The following LOC128125817 variants were observed in gnomAD, a reference collection of about 807,000 sequenced individuals.
the LOC128125817 span, among the ~76,000 whole-genome samples, chr1:41,620,354 A>G: frequency 6.6e-6 from 1 of 152,334 alleles, no homozygotes; most frequent in East Asian, 1.9e-4. Flanking sequence ...CTTTTAGGAT[A>G]GCTGGCTTTA....
chr1:41,615,439 C>T, the LOC128125817 span, among the ~76,000 whole-genome samples: 3 of 152,204 alleles, frequency 2.0e-5, no homozygotes, highest in Middle Eastern at 3.2e-3. Context: ...AGCTAGAGGG[C>T]ACTTAAGTGG....
At chr1:41,618,539 C>T in the LOC128125817 span, among the ~76,000 whole-genome samples, 18 of 152,190 alleles carry the variant, frequency 1.2e-4, no homozygotes, top group African/African-American at 4.1e-4. Context: ...TCCTCGGGCA[C>T]CACTCATAGG....
chr1:41,595,918 T>C, the LOC128125817 span, among the ~76,000 whole-genome samples: 4 of 152,172 alleles, frequency 2.6e-5, no homozygotes, highest in South Asian at 2.1e-4. Flanking sequence ...CACCTTGTGA[T>C]TGTGTGAGTC....
the LOC128125817 span, among the ~76,000 whole-genome samples, chr1:41,598,774 G>A: frequency 6.6e-6 from 1 of 151,060 alleles, no homozygotes; most frequent in South Asian, 2.1e-4. Flanking sequence ...GTAGGGTAAG[G>A]AAACATACTC....
chr1:41,613,116 T>C, the LOC128125817 span, among the ~76,000 whole-genome samples: 4 of 152,224 alleles, frequency 2.6e-5, no homozygotes, highest in Non-Finnish European at 4.4e-5. Context: ...CGCTAGGGGC[T>C]CACTGCCTGC....
the LOC128125817 span, among the ~76,000 whole-genome samples, chr1:41,594,475 G>A: frequency 3.3e-5 from 5 of 152,300 alleles, no homozygotes; most frequent in Admixed American, 2.6e-4. Context: ...CCCTGCCTCA[G>A]CCTCCCGAAG....
At chr1:41,623,312 C>T in the LOC128125817 span, among the ~76,000 whole-genome samples, 2 of 152,304 alleles carry the variant, frequency 1.3e-5, no homozygotes, top group Admixed American at 6.5e-5. Flanking sequence ...ACAAGGCTGC[C>T]CCTCTCCAAG....
At chr1:41,606,333 T>A in the LOC128125817 span, among the ~76,000 whole-genome samples, 2 of 152,012 alleles carry the variant, frequency 1.3e-5, no homozygotes, top group African/African-American at 4.9e-5. Flanking sequence ...CCACATTCTC[T>A]ACTTTCCACT....
chr1:41,618,086 G>C, the LOC128125817 span, among the ~76,000 whole-genome samples: 1 of 152,194 alleles, frequency 6.6e-6, no homozygotes, highest in Non-Finnish European at 1.5e-5. Context: ...AAGCAGCCAA[G>C]AGAGGAAACT....
At chr1:41,614,374 AG>A in the LOC128125817 span, among the ~76,000 whole-genome samples, 1 of 152,210 alleles carries the variant, frequency 6.6e-6, no homozygotes, top group Non-Finnish European at 1.5e-5. Flanking sequence ...GCAAGTCCCA[AG>A]GGCTTAGATG....
At chr1:41,603,343 C>A in the LOC128125817 span, among the ~76,000 whole-genome samples, 1 of 151,832 alleles carries the variant, frequency 6.6e-6, no homozygotes, top group Non-Finnish European at 1.5e-5. Context: ...GCTGGGATTA[C>A]AGTCGTGAGC....
At chr1:41,594,270 T>C in the LOC128125817 span, among the ~76,000 whole-genome samples, 1 of 152,214 alleles carries the variant, frequency 6.6e-6, no homozygotes, top group African/African-American at 2.4e-5. Context: ...TTGCCCAGGA[T>C]GGAGTGCAGT....
chr1:41,588,029 G>T, the LOC128125817 span, among the ~76,000 whole-genome samples: 62 of 152,292 alleles, frequency 4.1e-4, no homozygotes, highest in Non-Finnish European at 4.0e-4. Context: ...AGAAAGGGGA[G>T]CCCAGCAAAG....
At chr1:41,615,785 G>A in the LOC128125817 span, among the ~76,000 whole-genome samples, 10 of 144,812 alleles carry the variant, frequency 6.9e-5, no homozygotes, top group Non-Finnish European at 1.3e-4. Flanking sequence ...TTGTGGAAGC[G>A]ATGCAGGGCT....
At chr1:41,587,787 C>G in the LOC128125817 span, among the ~76,000 whole-genome samples, 2 of 152,270 alleles carry the variant, frequency 1.3e-5, no homozygotes, top group South Asian at 4.2e-4. Flanking sequence ...TCCTGTGCCT[C>G]TTGACCCCCC....
the LOC128125817 span, among the ~76,000 whole-genome samples, chr1:41,606,730 A>G: frequency 6.6e-6 from 1 of 152,036 alleles, no homozygotes; most frequent in East Asian, 1.9e-4. Flanking sequence ...CATTTAAAAA[A>G]CTATTTTTTT....
At chr1:41,627,880 A>G in the LOC128125817 span, among the ~76,000 whole-genome samples, 1 of 150,334 alleles carries the variant, frequency 6.7e-6, no homozygotes, top group African/African-American at 2.4e-5. Flanking sequence ...CCCTCCGTCC[A>G]TCCCTCCCTC....
At chr1:41,595,224 C>T in the LOC128125817 span, among the ~76,000 whole-genome samples, 1 of 152,234 alleles carries the variant, frequency 6.6e-6, no homozygotes, top group Non-Finnish European at 1.5e-5. Context: ...AGCCTTCTCC[C>T]AGTCCACCCC....
the LOC128125817 span, among the ~76,000 whole-genome samples, chr1:41,596,841 C>A: frequency 6.6e-6 from 1 of 152,106 alleles, no homozygotes; most frequent in Non-Finnish European, 1.5e-5. Flanking sequence ...ACCTTCCTTC[C>A]CTGTATCTGA....
Sources: allele counts gnomAD v4.1 joint callset (sites outside exome capture counted in the v4.1 genomes callset), GRCh38; gene constraint gnomAD v4.1.1; transcripts MANE v1.5.